The following SLITRK6 variants were observed in gnomAD, a reference collection of about 807,000 sequenced individuals.
SLITRK6 encodes the protein SLIT and NTRK like family member 6.
Under a neutral mutation model 55.6 loss-of-function variants are expected in SLITRK6, and 35 were observed. The ratio of observed to expected loss-of-function variants is 0.63; its 90% CI spans 0.48 to 0.83. The LOEUF is 0.83. Among genes scored for constraint, SLITRK6 ranks in the 40% least tolerant of loss-of-function variants. The probability of loss-of-function intolerance (pLI) is 0.00; values close to 1 mark genes in which losing one functional copy is unlikely to be tolerated. For missense variants in SLITRK6, 977 were observed against 986.4 expected (o/e 0.99, Z 0.13); for synonymous variants, 392 against 359.6 (o/e 1.09, Z -1.02).
At position 85,796,274 on chromosome 13, in the gene SLITRK6, G is replaced by C; in HGVS notation, c.235C>G (p.Leu79Val). Residue 79 changes from leucine to valine, a missense_variant, in exon 2 of 2, where the codon CTT becomes GTT. Leu to Val is a conservative substitution (Grantham distance 32). Coordinates refer to ENST00000647374, the MANE Select transcript of SLITRK6 (RefSeq NM_032229.3). ...AGCCCAGAAAAGTCATTTGTGTGAAGCATCGTCAAGCCGTTATTTAATAAG... is the reference window on the plus strand; with the variant it reads ...AGCCCAGAAAAGTCATTTGTGTGAACCATCGTCAAGCCGTTATTTAATAAG... ...LSLLNNGLTM[L>V]HTNDFSGLTN... 7 of 1,611,916 alleles carry C rather than the reference G, an allele frequency of 4.3e-6. No homozygotes were observed. Among genetic ancestry groups the C allele is most frequent in the Non-Finnish European group, 5.9e-6 (7 of 1,178,908 alleles).
chr13:85,793,971 C>A lies in SLITRK6; in HGVS notation c.*12G>T, dbSNP rs1178567238. 1 of 1,574,360 alleles carries A rather than the reference C, an allele frequency of 6.4e-7. No homozygotes were observed. The highest frequency in any genetic ancestry group is 2.2e-5 in the East Asian group (1 of 44,606). ...ATCACAGCATTTCTGCGAAAGCCCT[C>A]AAACTCTCCATCTATGTTTGCTGCT... On this transcript the variant is annotated 3_prime_UTR_variant, in exon 2 of 2. Transcript: ENST00000647374.
At position 85,795,817 on chromosome 13, in the gene SLITRK6, G is replaced by T; in HGVS notation, c.692C>A (p.Thr231Asn). 6.2e-7 allele frequency: 1 copy of T among 1,612,914 alleles called. No homozygotes were observed. Among genetic ancestry groups the T allele is most frequent in the Non-Finnish European group, 8.5e-7 (1 of 1,179,426 alleles). The part of the protein sequence containing the change: ...ACNCDLLQLK[T>N]WLENMPPQSI... ...CTGTGGAGGCATGTTCTCCAACCAA[G>T]TTTTTAACTGCAATAAGTCACAATT... The change falls in exon 2 of 2, where the codon ACT becomes AAT. Residue 231 changes from threonine (T) to asparagine (N), a missense_variant. Thr to Asn is a moderately conservative substitution (Grantham distance 65, BLOSUM62 0). Transcript: ENST00000647374.
rs977996313 is a variant in SLITRK6, at chr13:85,792,795, A to G, written c.*1188T>C. On this transcript the variant is annotated 3_prime_UTR_variant, in exon 2 of 2. Transcript: ENST00000647374. ...AAAGCACATTTAAAAAAGAGTTTTCATTTTAGTTTTATTGTAGTGAGTAGT... is the reference window on the plus strand; with the variant it reads ...AAAGCACATTTAAAAAAGAGTTTTCGTTTTAGTTTTATTGTAGTGAGTAGT... 2 of 152,170 alleles carry G rather than the reference A, an allele frequency of 1.3e-5. No individual in the cohort carries two copies. The highest frequency in any genetic ancestry group is 2.9e-5 in the Non-Finnish European group (2 of 67,828). The allele number at this position is 152,170 out of a possible 1,614,324, so 9.4% of individuals were successfully genotyped here.
rs780886356 is a variant in SLITRK6, at chr13:85,796,407, A to T, written c.102T>A (p.Leu34=). ...TGCCATCTTTTTCCTCACAATTGCA[A>T]AGAGAATCACAAGAGCCTCTGGATG... ...VLSSRGSCDS[L]CNCEEKDGTM... Residue 34 remains leucine (L), a synonymous_variant, in exon 2 of 2, where the codon CTT becomes CTA. Coordinates refer to ENST00000647374, the MANE Select transcript of SLITRK6 (RefSeq NM_032229.3). 5 of 1,612,488 alleles carry T rather than the reference A, an allele frequency of 3.1e-6. No individual in the cohort carries two copies. The South Asian group carries it at 5.5e-5, about 18-fold the overall frequency.
At position 85,793,760 on chromosome 13, in the gene SLITRK6, G is replaced by GC. The variant is rs1262229332; in HGVS notation, c.*222dup. 2 of 444,380 alleles carry GC rather than the reference G, an allele frequency of 4.5e-6. No homozygotes were observed. The highest frequency in any genetic ancestry group is 6.9e-5 in the East Asian group (2 of 28,868). The allele number at this position is 444,380 out of a possible 1,614,324, so 27.5% of individuals were successfully genotyped here. ...ACTATAATCCTTGAATGATTTACAT[G>GC]CAAGGATTTATTTTATTTGGGACAG... On this transcript the variant is annotated 3_prime_UTR_variant, in exon 2 of 2. Coordinates refer to ENST00000647374, the MANE Select transcript of SLITRK6 (RefSeq NM_032229.3).
At chr13:85,796,595 G>A (rs1476123394) in intron 1 of SLITRK6, 63 bp from the exon 2 acceptor site, 1 of 1,294,068 alleles carries the variant, frequency 7.7e-7, no homozygotes, top group Admixed American at 2.8e-5. Flanking sequence ...AGATGAAGCT[G>A]ATATTTTCAA....
Position 85,799,290 on chromosome 13 carries a change from C to T in SLITRK6, c.-401G>A, listed in dbSNP as rs2137172305. On this transcript the variant is annotated 5_prime_UTR_variant, in exon 1 of 2. The change creates a new upstream start codon in the 5' untranslated region. Coordinates refer to ENST00000647374, the MANE Select transcript of SLITRK6 (RefSeq NM_032229.3). ...TGTTTAACAGAGCTGAGATTGATCA[C>T]TCTTGCTTTCTTAGGTTGTAGATCC... 6.6e-6 allele frequency: 1 copy of T among 152,152 alleles called. No homozygotes were observed. Among genetic ancestry groups the T allele is most frequent in the African/African-American group, 2.4e-5 (1 of 41,548 alleles). 9.4% of individuals were successfully genotyped at this position (152,152 alleles called of 1,614,324 possible).
rs1023617352 is a variant in SLITRK6, at chr13:85,793,210, G to A, written c.*773C>T. On this transcript the variant is annotated 3_prime_UTR_variant, in exon 2 of 2. Coordinates refer to ENST00000647374, the MANE Select transcript of SLITRK6 (RefSeq NM_032229.3). ...CAGTAGCATTTTTAAAATATCCCAA[G>A]AAGAAGAATTAAACTTTGAGCATAA... 6.6e-6 allele frequency: 1 copy of A among 151,696 alleles called. No individual in the cohort carries two copies. Among genetic ancestry groups the A allele is most frequent in the Non-Finnish European group, 1.5e-5 (1 of 67,826 alleles). 9.4% of individuals were successfully genotyped at this position (151,696 alleles called of 1,614,324 possible).
chr13:85,794,330 G>T lies in SLITRK6; in HGVS notation c.2179C>A (p.His727Asn), dbSNP rs2137168357. The change falls in exon 2 of 2, where the codon CAT becomes AAT. Residue 727 changes from histidine (H) to asparagine (N), a missense_variant. Coordinates refer to ENST00000647374, the MANE Select transcript of SLITRK6 (RefSeq NM_032229.3). The stretch of plus-strand genomic sequence containing the variant: ...ATATTTGACCCTGTGAGTGGTGAAT[G>T]ATTTTCCTGTTCCAAAAGACTTCTT... ...LQRSLLEQEN[H>N]SPLTGSNMKY... 1 of 1,613,216 alleles carries T rather than the reference G, an allele frequency of 6.2e-7. No homozygotes were observed. Among genetic ancestry groups the T allele is most frequent in the Non-Finnish European group, 8.5e-7 (1 of 1,179,554 alleles).
At position 85,794,833 on chromosome 13, in the gene SLITRK6, G is replaced by A. The variant is rs763643426; in HGVS notation, c.1676C>T (p.Ala559Val). The change falls in exon 2 of 2, where the codon GCC (alanine) becomes GTC (valine). Residue 559 changes from alanine (A) to valine (V), a missense_variant. By Grantham distance (64) the Ala-to-Val change is moderately conservative. Coordinates refer to ENST00000647374, the MANE Select transcript of SLITRK6 (RefSeq NM_032229.3). ...PGHLDKKELKALNSEILCPGL... is the reference protein window; with the variant it reads ...PGHLDKKELKVLNSEILCPGL... The stretch of plus-strand genomic sequence containing the variant: ...TGGACAGAGAATTTCACTATTTAGG[G>A]CTTTCAATTCCTTTTTGTCGAGATG... The A allele has an allele frequency of 1.2e-6, 2 of 1,612,998 alleles. No individual in the cohort carries two copies. The highest frequency in any genetic ancestry group is 3.3e-5 in the Admixed American group (2 of 59,760).
Position 85,799,098 on chromosome 13 carries a change from C to T in SLITRK6, c.-209G>A, listed in dbSNP as rs536475240. On this transcript the variant is annotated 5_prime_UTR_variant, in exon 1 of 2. Transcript: ENST00000647374. ...AAAACCTCTGGTCAAAGATAGAATA[C>T]TGAGCATTTCATTGAAAATATTTCA... is the stretch of plus-strand genomic sequence containing the variant. The T allele has an allele frequency of 6.6e-6, 1 of 151,894 alleles. No homozygotes were observed. The highest frequency in any genetic ancestry group is 2.4e-5 in the African/African-American group (1 of 41,470). The allele number at this position is 151,894 out of a possible 1,614,324, so 9.4% of individuals were successfully genotyped here.
Position 85,795,828 on chromosome 13 carries a change from C to T in SLITRK6, c.681G>A (p.Leu227=), listed in dbSNP as rs1341041772. 2 of 1,612,914 alleles carry T rather than the reference C, an allele frequency of 1.2e-6. No individual in the cohort carries two copies. The highest frequency in any genetic ancestry group is 1.7e-6 in the Non-Finnish European group (2 of 1,179,426). ...TGTTCTCCAACCAAGTTTTTAACTG[C>T]AATAAGTCACAATTGCAGGCCCATT... The part of the protein sequence containing the change: ...DNKWACNCDL[L]QLKTWLENMP... The change falls in exon 2 of 2, where the codon TTG becomes TTA. Residue 227 remains leucine, a synonymous_variant. Coordinates refer to ENST00000647374, the MANE Select transcript of SLITRK6 (RefSeq NM_032229.3).
rs1374872267 is a variant in SLITRK6 at position 85,794,272 on chromosome 13, A to C, written c.2237T>G (p.Phe746Cys). 2 of 1,613,368 alleles carry C rather than the reference A, an allele frequency of 1.2e-6. No homozygotes were observed. The highest frequency in any genetic ancestry group is 8.5e-7 in the Non-Finnish European group (1 of 1,179,582). Residue 746 changes from phenylalanine to cysteine, a missense_variant, in exon 2 of 2, where the codon TTT becomes TGT. Transcript: ENST00000647374. ...KYKTTNQSTE[F>C]LSFQDASSLY... ...TGAGCTGGCATCTTGGAAGGATAAAAATTCTGTTGATTGGTTCGTGGTTTT... is the reference window on the plus strand; with the variant it reads ...TGAGCTGGCATCTTGGAAGGATAAACATTCTGTTGATTGGTTCGTGGTTTT...
chr13:85,794,368 G>A lies in SLITRK6; in HGVS notation c.2141C>T (p.Ala714Val). 2 of 1,613,216 alleles carry A rather than the reference G, an allele frequency of 1.2e-6. No individual in the cohort carries two copies. Among genetic ancestry groups the A allele is most frequent in the South Asian group, 1.1e-5 (1 of 91,044 alleles). The stretch of plus-strand genomic sequence containing the variant: ...CAAAAGACTTCTTTGGAGATGTTTT[G>A]CATCACTTCCTTCTTTCTCATTCCT... ...EERNEKEGSD[A>V]KHLQRSLLEQ... Residue 714 changes from alanine (A) to valine (V), a missense_variant, in exon 2 of 2, where the codon GCA (alanine) becomes GTA (valine). Ala to Val is a moderately conservative substitution (Grantham distance 64). Coordinates refer to ENST00000647374, the MANE Select transcript of SLITRK6 (RefSeq NM_032229.3).
In SLITRK6 at chr13:85,796,315, C is replaced by T. The variant is rs1310021586; in HGVS notation, c.194G>A (p.Arg65Gln). The stretch of plus-strand genomic sequence containing the variant: ...ATTTAATAAGCTTAGTTGGAAAGGT[C>T]GTGATGGTGGCACACTTATTTCAGA... ...MVSEISVPPS[R>Q]PFQLSLLNNG... Residue 65 changes from arginine (R) to glutamine (Q), a missense_variant, in exon 2 of 2, where the codon CGA becomes CAA. By Grantham distance (43) the Arg-to-Gln change is conservative. Transcript: ENST00000647374. The T allele has an allele frequency of 1.9e-6, 3 of 1,611,978 alleles. No individual in the cohort carries two copies. Among genetic ancestry groups the T allele is most frequent in the Non-Finnish European group, 1.7e-6 (2 of 1,179,026 alleles).
Position 85,796,289 on chromosome 13 carries a change from T to C in SLITRK6, c.220A>G (p.Asn74Asp). The C allele has an allele frequency of 1.9e-6, 3 of 1,611,974 alleles. No homozygotes were observed. Among genetic ancestry groups the C allele is most frequent in the Non-Finnish European group, 2.5e-6 (3 of 1,178,882 alleles). Reference protein sequence around the residue: ...SRPFQLSLLNNGLTMLHTNDF... With the variant: ...SRPFQLSLLNDGLTMLHTNDF... ...TTTGTGTGAAGCATCGTCAAGCCGT[T>C]ATTTAATAAGCTTAGTTGGAAAGGT... Residue 74 changes from asparagine to aspartate, a missense_variant, in exon 2 of 2, where the codon AAC becomes GAC. By Grantham distance (23) the Asn-to-Asp change is conservative. Transcript: ENST00000647374.
Position 85,794,614 on chromosome 13 carries a change from A to G in SLITRK6, c.1895T>C (p.Val632Ala). 6.2e-7 allele frequency: 1 copy of G among 1,613,290 alleles called. No individual in the cohort carries two copies. Among genetic ancestry groups the G allele is most frequent in the Non-Finnish European group, 8.5e-7 (1 of 1,179,544 alleles). Residue 632 changes from valine to alanine, a missense_variant, in exon 2 of 2, where the codon GTT becomes GCT. Physicochemically the swap from Val to Ala is moderately conservative, Grantham distance 64. Transcript: ENST00000647374. ...TTTGTATCTTCTCCTGCGGTGAAGAACAAGAACCACTATCCCTGCAGCACA... is the reference window on the plus strand; with the variant it reads ...TTTGTATCTTCTCCTGCGGTGAAGAGCAAGAACCACTATCCCTGCAGCACA... ...VFCAAGIVVL[V>A]LHRRRRYKKK... is the part of the protein sequence containing the mutation.
Position 85,794,001 on chromosome 13 carries a change from G to A in SLITRK6, c.2508C>T (p.Val836=), listed in dbSNP as rs758741563. The A allele has an allele frequency of 6.2e-7, 1 of 1,601,920 alleles. No individual in the cohort carries two copies. The highest frequency in any genetic ancestry group is 2.2e-5 in the East Asian group (1 of 44,736). The stretch of plus-strand genomic sequence containing the variant: ...TCTCCATCTATGTTTGCTGCTCCAG[G>A]ACTTCTAAATAGTCAGGTTCAGCAT... ...NLHAEPDYLE[V]LEQQT is the part of the protein sequence containing the mutation. The change falls in exon 2 of 2, where the codon GTC becomes GTT. Residue 836 remains valine (V), a synonymous_variant. Transcript: ENST00000647374.
rs1037227092 is a variant in SLITRK6 at position 85,795,849 on chromosome 13, C to T, written c.660G>A (p.Trp220Ter). ...ILDLQLEDNKWACNCDLLQLK... is the reference protein window; with the variant it reads ...ILDLQLEDNK Reference sequence around the variant, plus strand: ...ACTGCAATAAGTCACAATTGCAGGCCCATTTGTTGTCCTCCAACTGAAGAT... The same window carrying T: ...ACTGCAATAAGTCACAATTGCAGGCTCATTTGTTGTCCTCCAACTGAAGAT... Residue 220 changes from tryptophan (W) to a stop codon, truncating the protein, a stop_gained, in exon 2 of 2, where the codon TGG (tryptophan) becomes TGA (stop). Transcript: ENST00000647374. LOFTEE classifies it high-confidence loss of function. 6.2e-7 allele frequency: 1 copy of T among 1,612,992 alleles called. No homozygotes were observed. Among genetic ancestry groups the T allele is most frequent in the Admixed American group, 1.7e-5 (1 of 59,802 alleles).
Sources: allele counts gnomAD v4.1 joint callset, GRCh38; gene constraint gnomAD v4.1.1; transcripts MANE v1.5; gene names NCBI Gene and HGNC (gene_info 2026-07-23, HGNC 2026-07-21).